Variants in CLTA observed in about 807,000 individuals in gnomAD.
CLTA encodes the protein clathrin, light polypeptide (Lca).
A neutral mutation model predicts 26.9 loss-of-function variants in CLTA; 9 were observed. The observed-to-expected ratio is 0.33, with a 90% confidence interval of 0.20 to 0.58. The LOEUF (loss-of-function observed/expected upper bound fraction) is 0.58, where lower values mean the gene tolerates loss of function less well. Ranked by LOEUF, CLTA falls within the 20% of genes least tolerant of loss-of-function variation. The pLI, the probability that CLTA is intolerant of heterozygous loss-of-function variation, is 0.85. For missense variants in CLTA, 278 were observed against 294.2 expected (o/e 0.94, Z 0.40); for synonymous variants, 120 against 115.5 (o/e 1.04, Z -0.25).
At chr9:36,196,283 A>G (rs1441256075) in intron 1 of CLTA, among the ~76,000 whole-genome samples, 1 of 125,004 alleles carries the variant, frequency 8.0e-6, no homozygotes, top group Non-Finnish European at 1.6e-5. Flanking sequence ...ACTCTCTCTC[A>G]AAAAAAAATA....
intron 4 of CLTA, chr9:36,209,179 C>A: frequency 6.5e-7 from 1 of 1,532,766 alleles, no homozygotes; most frequent in Non-Finnish European, 9.0e-7. Flanking sequence ...AGTTGTACCT[C>A]AATTGTGGAT....
upstream of CLTA, chr9:36,190,888 C>A: frequency 1.6e-6 from 2 of 1,230,432 alleles, no homozygotes; most frequent in Non-Finnish European, 2.2e-6. Context: ...TCTGCAACAC[C>A]GCCTAGACCG....
intron 4 of CLTA, chr9:36,209,388 CT>C: frequency 8.2e-7 from 1 of 1,221,946 alleles, no homozygotes; most frequent in African/African-American, 1.5e-5. Context: ...GTTAATGCTC[CT>C]TTTATGTCAC....
chr9:36,192,265 A>C (rs1015733955), intron 1 of CLTA, among the ~76,000 whole-genome samples: 1 of 152,232 alleles, frequency 6.6e-6, no homozygotes, highest in Non-Finnish European at 1.5e-5. Context: ...TAGGTAACAT[A>C]TACGAGAGAA....
Position 36,211,951 on chromosome 9 carries a change from C to G in CLTA, c.*177C>G, listed in dbSNP as rs1187160446. The G allele has an allele frequency of 1.4e-6, 1 of 713,284 alleles. No individual in the cohort carries two copies. The highest frequency in any genetic ancestry group is 1.6e-5 in the South Asian group (1 of 64,238). 44.2% of individuals were successfully genotyped at this position (713,284 alleles called of 1,614,324 possible). Reference sequence around the variant, plus strand: ...CTTCAACTGTGTTCTCCCTGGCATTCAGAGAGGAGGGAGAGGAGGAAGAGG... The same window carrying G: ...CTTCAACTGTGTTCTCCCTGGCATTGAGAGAGGAGGGAGAGGAGGAAGAGG... On this transcript the variant is annotated 3_prime_UTR_variant, in exon 5 of 5. Coordinates refer to ENST00000345519, the MANE Select transcript of CLTA (RefSeq NM_001833.4).
At position 36,191,084 on chromosome 9, in the gene CLTA, C is replaced by G. The variant is rs1463032399; in HGVS notation, c.28C>G (p.Pro10Ala). ...GGCTGAGCTGGATCCGTTCGGCGCCCCTGCCGGCGCCCCTGGCGGTCCCGC... is the reference window on the plus strand; with the variant it reads ...GGCTGAGCTGGATCCGTTCGGCGCCGCTGCCGGCGCCCCTGGCGGTCCCGC... MAELDPFGAPAGAPGGPALG... is the reference protein window; with the variant it reads MAELDPFGAAAGAPGGPALG... Residue 10 changes from proline to alanine, a missense_variant, in exon 1 of 5, where the codon CCT becomes GCT. Pro to Ala is a conservative substitution (Grantham distance 27). Transcript: ENST00000345519. 1.3e-6 allele frequency: 2 copies of G among 1,585,684 alleles called. No individual in the cohort carries two copies. Among genetic ancestry groups the G allele is most frequent in the Non-Finnish European group, 8.5e-7 (1 of 1,172,474 alleles).
At chr9:36,203,360 T>G (rs543119424) in intron 3 of CLTA, among the ~76,000 whole-genome samples, 12 of 152,330 alleles carry the variant, frequency 7.9e-5, no homozygotes, top group African/African-American at 2.9e-4. Context: ...CAGTGGAGTT[T>G]CTTTTGTAGC....
At chr9:36,208,885 C>A (rs1293149946) in intron 4 of CLTA, among the ~76,000 whole-genome samples, 1 of 152,184 alleles carries the variant, frequency 6.6e-6, no homozygotes, top group Non-Finnish European at 1.5e-5. Context: ...GCCTCAGTTA[C>A]CTCATCTGTA....
At position 36,191,149 on chromosome 9, in the gene CLTA, G is replaced by A. The variant is rs934025178; in HGVS notation, c.93G>A (p.Pro31=). The change falls in exon 1 of 5, where the codon CCG becomes CCA. Residue 31 remains proline (P), a synonymous_variant. Transcript: ENST00000345519. ...TGGCCGGCGCCGGCGAAGAAGACCC[G>A]GCTGCGGCCTTCTTGGCGCAGCAAG... ...NGVAGAGEED[P]AAAFLAQQES... 1 of 1,599,782 alleles carries A rather than the reference G, an allele frequency of 6.3e-7. No individual in the cohort carries two copies. Among genetic ancestry groups the A allele is most frequent in the Middle Eastern group, 1.8e-4 (1 of 5,640 alleles).
rs1827906738 is a variant in CLTA, at chr9:36,209,319, G to A, written c.486-2284G>A. 1 of 1,606,738 alleles carries A rather than the reference G, an allele frequency of 6.2e-7. No individual in the cohort carries two copies. Among genetic ancestry groups the A allele is most frequent in the South Asian group, 1.1e-5 (1 of 90,932 alleles). Reference sequence around the variant, plus strand: ...ACCCTTCGCTGACGTGATTGGTTATGTGTATGTTGCAAAACTAATTCCTTT... The same window carrying A: ...ACCCTTCGCTGACGTGATTGGTTATATGTATGTTGCAAAACTAATTCCTTT... On this transcript the variant is annotated intron_variant, in intron 4 of 4. Coordinates refer to ENST00000345519, the MANE Select transcript of CLTA (RefSeq NM_001833.4).
intron 3 of CLTA, among the ~76,000 whole-genome samples, chr9:36,201,017 T>C (rs1482767263): frequency 6.6e-6 from 1 of 152,212 alleles, no homozygotes; most frequent in East Asian, 1.9e-4. Flanking sequence ...ATCTTTTCTG[T>C]TTTACCAAGC....
intron 1 of CLTA, 33 bp downstream of exon 1, chr9:36,191,306 CT>C (rs1826701259): frequency 1.4e-6 from 2 of 1,480,530 alleles, no homozygotes; most frequent in Non-Finnish European, 1.8e-6. Flanking sequence ...GGCGAGAGGA[CT>C]TGTCTGGAAA....
At chr9:36,192,578 T>C (rs1393182333) in intron 1 of CLTA, among the ~76,000 whole-genome samples, 3 of 152,208 alleles carry the variant, frequency 2.0e-5, no homozygotes, top group Non-Finnish European at 4.4e-5. Context: ...GATTGTGAGA[T>C]GAAGTTGGCC....
intron 1 of CLTA, among the ~76,000 whole-genome samples, chr9:36,194,274 G>T (rs1441613071): frequency 6.6e-6 from 1 of 152,160 alleles, no homozygotes; most frequent in Non-Finnish European, 1.5e-5. Context: ...TGAGCCACCC[G>T]CCTTGGCCTC....
chr9:36,199,783 TTAAAG>T (rs1827296955), intron 3 of CLTA, among the ~76,000 whole-genome samples: 1 of 152,152 alleles, frequency 6.6e-6, no homozygotes, highest in African/African-American at 2.4e-5. Context: ...CTAAATGAAT[TTAAAG>T]TAACACGAGG....
chr9:36,202,217 C>T (rs1483746286), intron 3 of CLTA, among the ~76,000 whole-genome samples: 1 of 152,072 alleles, frequency 6.6e-6, no homozygotes, highest in African/African-American at 2.4e-5. Context: ...AATTAGATAC[C>T]GAGATGAACG....
At position 36,204,129 on chromosome 9, in the gene CLTA, A is replaced by G; in HGVS notation, c.435A>G (p.Glu145=). ...AAAAGGCAATAAAGGAGCTAGAAGA[A>G]TGGTATGCAAGACAGGACGAGCAGC... ...WKEKAIKELE[E]WYARQDEQLQ... is the part of the protein sequence containing the mutation. The change falls in exon 4 of 5, where the codon GAA becomes GAG. Residue 145 remains glutamate (E), a synonymous_variant. Transcript: ENST00000345519. 6.2e-7 allele frequency: 1 copy of G among 1,614,206 alleles called. No homozygotes were observed. Among genetic ancestry groups the G allele is most frequent in the Non-Finnish European group, 8.5e-7 (1 of 1,180,016 alleles).
chr9:36,205,539 G>A (rs1351729134), intron 4 of CLTA, among the ~76,000 whole-genome samples: 1 of 152,180 alleles, frequency 6.6e-6, no homozygotes, highest in East Asian at 1.9e-4. Context: ...CAGCATTTAA[G>A]TTTAGTCTGA....
intron 4 of CLTA, chr9:36,209,390 T>A (rs1827912386): frequency 3.3e-6 from 4 of 1,208,210 alleles, no homozygotes; most frequent in Non-Finnish European, 4.9e-6. Flanking sequence ...TAATGCTCCT[T>A]TTATGTCACA....
Sources: gnomAD v4.1 joint callset for allele counts (sites outside exome capture counted in the v4.1 genomes callset) on GRCh38, gnomAD v4.1.1 for gene constraint, MANE v1.5 for transcripts, NCBI Gene and HGNC (gene_info 2026-07-23, HGNC 2026-07-21) for gene names.